Variants in DPP6 observed in about 807,000 individuals in gnomAD.
DPP6 encodes the protein A-type potassium channel modulatory protein DPP6.
DPP6 carries 69 observed loss-of-function variants against 122.6 expected under a neutral mutation model. The observed-to-expected ratio is 0.56, with a 90% CI of 0.46 to 0.69. The LOEUF (loss-of-function observed/expected upper bound fraction) is 0.69, where lower values mean the gene tolerates loss of function less well. DPP6 is among the 30% of genes least tolerant of loss of function. The probability of loss-of-function intolerance (pLI) is 0.00; values close to 1 mark genes in which losing one functional copy is unlikely to be tolerated. For missense variants in DPP6, 928 were observed against 1,116.9 expected (o/e 0.83, Z 2.41); for synonymous variants, 418 against 433.1 (o/e 0.97, Z 0.43).
intron 8 of DPP6, among the ~76,000 whole-genome samples, chr7:154,765,277 C>T (rs1473930500): frequency 6.6e-6 from 1 of 152,186 alleles, no homozygotes; most frequent in Non-Finnish European, 1.5e-5. Flanking sequence ...GTATCCTCCT[C>T]ACTGCCCCCA....
intron 5 of DPP6, chr7:154,587,391 T>A: frequency 1.8e-6 from 1 of 555,596 alleles, no homozygotes; most frequent in Non-Finnish European, 3.2e-6. Context: ...TCTTCTCTCC[T>A]CTTGCCAGGA....
At chr7:154,231,786 C>T (rs528747461) in intron 1 of DPP6, among the ~76,000 whole-genome samples, 4 of 152,308 alleles carry the variant, frequency 2.6e-5, no homozygotes, top group African/African-American at 9.6e-5. Context: ...CTCCAGGAAA[C>T]AGCCACCACT....
At chr7:154,663,873 T>C (rs560524859) in intron 6 of DPP6, among the ~76,000 whole-genome samples, 23 of 103,102 alleles carry the variant, frequency 2.2e-4, no homozygotes, top group South Asian at 8.2e-4. Flanking sequence ...CATGGCGTAT[T>C]GGCCGTAGTG....
intron 1 of DPP6, among the ~76,000 whole-genome samples, chr7:153,942,878 A>G (rs781163151): frequency 6.6e-6 from 1 of 152,212 alleles, no homozygotes; most frequent in Non-Finnish European, 1.5e-5. Context: ...CAGCAATCAC[A>G]GTGAGTGTGG....
At chr7:153,917,076 G>A (rs1423786339) in intron 1 of DPP6, among the ~76,000 whole-genome samples, 1 of 152,200 alleles carries the variant, frequency 6.6e-6, no homozygotes, top group African/African-American at 2.4e-5. Context: ...AGTGGGTCTG[G>A]GGTGGGACCT....
intron 7 of DPP6, among the ~76,000 whole-genome samples, chr7:154,702,068 C>A (rs1022870325): frequency 3.7e-4 from 57 of 152,126 alleles, no homozygotes; most frequent in Non-Finnish European, 2.9e-4. Context: ...TTTTCATTAC[C>A]ATTATATCTG....
rs146035535 is a variant in DPP6 at position 154,824,268 on chromosome 7, TTTTGTTTG to T, written c.1666+17176_1666+17183del. The stretch of plus-strand genomic sequence containing the variant: ...AATGTTTTTGTTGTTGTTGTTGTTG[TTTTGTTTG>T]TTTGTTTGTTTGTTTGTTTTGAGAC... On this transcript the variant is annotated intron_variant, in intron 16 of 25. Transcript: ENST00000377770. Among the ~76,000 whole-genome samples the T allele has an allele frequency of 6.7e-4, 102 of 151,516 alleles. 1 individual carries two copies. Among genetic ancestry groups the T allele is most frequent in the Middle Eastern group, 3.4e-3 (1 of 292 alleles).
At chr7:154,291,834 A>T (rs764069954) in intron 1 of DPP6, among the ~76,000 whole-genome samples, 4 of 152,234 alleles carry the variant, frequency 2.6e-5, no homozygotes, top group Non-Finnish European at 5.9e-5. Context: ...CTAGGCATGG[A>T]CATTTAGGAA....
rs796432292 is a variant in DPP6 at position 154,166,661 on chromosome 7, G to A, written c.243+113598G>A. ...GCTCAGTGGCTCATGCTGTAATCCC[G>A]GCAATTTGGGAGGCTGAGGCAGGTG... On this transcript the variant is annotated intron_variant, in intron 1 of 25. Transcript: ENST00000377770. 1.8e-4 allele frequency among the ~76,000 whole-genome samples: 25 copies of A among 137,942 alleles called. 1 individual carries two copies. The highest frequency in any genetic ancestry group is 4.1e-4 in the East Asian group (2 of 4,910). 90.5% of individuals were successfully genotyped at this position (137,942 alleles called of 152,430 possible).
chr7:153,823,435 C>CG, the DPP6 span, among the ~76,000 whole-genome samples: 27 of 145,714 alleles, frequency 1.9e-4, 3 homozygotes, highest in East Asian at 3.0e-3. Context: ...GAGCTCTAAG[C>CG]GGGGGGATGA....
chr7:154,503,863 G>A (rs982336562), intron 3 of DPP6, among the ~76,000 whole-genome samples: 1 of 152,106 alleles, frequency 6.6e-6, no homozygotes, highest in African/African-American at 2.4e-5. Context: ...TTAATATCTG[G>A]GTAATGGGTT....
chr7:154,299,004 A>C (rs558267961), intron 1 of DPP6, among the ~76,000 whole-genome samples: 1 of 152,304 alleles, frequency 6.6e-6, no homozygotes, highest in Non-Finnish European at 1.5e-5. Flanking sequence ...ATAATTCCCC[A>C]GGGTTAGATT....
intron 3 of DPP6, among the ~76,000 whole-genome samples, chr7:154,522,242 A>G (rs879620384): frequency 6.6e-6 from 1 of 152,064 alleles, no homozygotes; most frequent in Non-Finnish European, 1.5e-5. Context: ...CCAAAATGCT[A>G]GGATTACAAG....
At chr7:154,255,974 G>GATAAATATGTGAAA (rs1802633710) in intron 1 of DPP6, among the ~76,000 whole-genome samples, 1 of 151,432 alleles carries the variant, frequency 6.6e-6, no homozygotes. Flanking sequence ...TTTTCCTGAA[G>GATAAATATGTGAAA]ACCACATGAG....
chr7:154,596,621 G>A (rs541168816), intron 5 of DPP6, among the ~76,000 whole-genome samples: 3 of 152,312 alleles, frequency 2.0e-5, no homozygotes, highest in East Asian at 3.9e-4. Flanking sequence ...AGAGTACTTT[G>A]TAGTTTAAGT....
the DPP6 span, among the ~76,000 whole-genome samples, chr7:153,794,129 T>C: frequency 6.6e-5 from 10 of 152,142 alleles, no homozygotes; most frequent in Non-Finnish European, 1.5e-4. Context: ...CACCTCCCAG[T>C]GGAGCTGTGA....
chr7:154,382,177 A>G lies in DPP6; in HGVS notation c.244-64037A>G, dbSNP rs10270783. On this transcript the variant is annotated intron_variant, in intron 1 of 25. Transcript: ENST00000377770. ...TGCTTGCGAGTGACTCCCTCTGCTC[A>G]AAATCGTCCGCATTTTTTTTCTTCT... Among the ~76,000 whole-genome samples, 836 of 150,728 alleles carry G rather than the reference A, an allele frequency of 5.5e-3. 8 individuals carry two copies. The highest frequency in any genetic ancestry group is 0.019 in the African/African-American group (791 of 41,128).
rs1414719417 is a variant in DPP6, at chr7:154,760,983, T to C, written c.884-8434T>C. On this transcript the variant is annotated intron_variant, in intron 8 of 25. Coordinates refer to ENST00000377770, the MANE Select transcript of DPP6 (RefSeq NM_130797.4). This position sits in a 1 kb window ranked among gnomAD's most constrained non-coding sequence, Gnocchi z 4.5. ...CCGGATAGCTGGGACTACAGGCGCC[T>C]GCCACCATGCCCGGCTAATTTTTGT... 2.0e-5 allele frequency among the ~76,000 whole-genome samples: 3 copies of C among 152,072 alleles called. No individual in the cohort carries two copies. The highest frequency in any genetic ancestry group is 6.5e-5 in the Admixed American group (1 of 15,268).
intron 1 of DPP6, among the ~76,000 whole-genome samples, chr7:154,265,440 T>C (rs1803359726): frequency 6.6e-6 from 1 of 152,176 alleles, no homozygotes; most frequent in South Asian, 2.1e-4. Context: ...TTGGGATGCT[T>C]TGTAATAAGA....
Sources: allele counts gnomAD v4.1 joint callset (sites outside exome capture counted in the v4.1 genomes callset), GRCh38; gene constraint gnomAD v4.1.1; non-coding constraint Gnocchi (gnomAD v3.1); transcripts MANE v1.5; gene names NCBI Gene and HGNC (gene_info 2026-07-23, HGNC 2026-07-21).